Variants in SPTBN5 observed in about 807,000 individuals in gnomAD.
SPTBN5 encodes spectrin beta, non-erythrocytic 5, also known as spectrin beta chain, non-erythrocytic 5.
In SPTBN5, 513 loss-of-function variants were observed where a neutral mutation model predicts 477.6. The ratio of observed to expected loss-of-function variants is 1.07; its 90% CI spans 1.00 to 1.16. The LOEUF (loss-of-function observed/expected upper bound fraction) is 1.16, where lower values mean the gene tolerates loss of function less well. SPTBN5 is among the 50% of genes most tolerant of loss of function. The probability of loss-of-function intolerance (pLI) is 0.00; values close to 1 mark genes in which losing one functional copy is unlikely to be tolerated. For synonymous variants in SPTBN5, 2,169 were observed against 2,011.7 expected, an observed-to-expected ratio of 1.08 and a Z score of -2.09; for missense variants, 5,062 against 4,731.8, an observed-to-expected ratio of 1.07 and a Z score of -2.05.
chr15:41,893,541 C>T lies in SPTBN5; in HGVS notation c.-44G>A. On this transcript the variant is annotated 5_prime_UTR_variant, in exon 2 of 68. It removes the in-frame stop codon of an upstream open reading frame in the 5' UTR. Transcript: ENST00000320955. Reference sequence around the variant, plus strand: ...GGATGAGGAGCTGCTGGATGGCTCCCTAAACCTGGAGGGCATGCAGATTAG... The same window carrying T: ...GGATGAGGAGCTGCTGGATGGCTCCTTAAACCTGGAGGGCATGCAGATTAG... The T allele has an allele frequency of 6.5e-7, 1 of 1,536,330 alleles. No homozygotes were observed. The highest frequency in any genetic ancestry group is 1.2e-5 in the South Asian group (1 of 84,502).
At chr15:41,891,779 C>T (rs1436295411) in intron 3 of SPTBN5, among the ~76,000 whole-genome samples, 1 of 152,148 alleles carries the variant, frequency 6.6e-6, no homozygotes, top group Admixed American at 6.5e-5. Flanking sequence ...CGAATGCATC[C>T]CTCATTCTGC....
chr15:41,884,949 T>G (rs1040592523), intron 7 of SPTBN5, among the ~76,000 whole-genome samples: 2 of 152,228 alleles, frequency 1.3e-5, no homozygotes, highest in Non-Finnish European at 2.9e-5. Context: ...TGGTTTTTAC[T>G]TAGAAGTCAA....
Position 41,855,336 on chromosome 15 carries a change from T to C in SPTBN5, c.9311A>G (p.Gln3104Arg). The C allele has an allele frequency of 1.2e-6, 2 of 1,608,008 alleles. No homozygotes were observed. The highest frequency in any genetic ancestry group is 1.7e-6 in the Non-Finnish European group (2 of 1,179,736). ...AEARGHGLQE[Q>R]LQLHQLERET... ...TCGCTCCAGCTGGTGTAGCTGCAGC[T>C]GCTCCTGCAGGCCGTGCCCCCTGGC... Residue 3104 changes from glutamine (Q) to arginine (R), a missense_variant, in exon 55 of 68, where the codon CAG (glutamine) becomes CGG (arginine). Coordinates refer to ENST00000320955, the MANE Select transcript of SPTBN5 (RefSeq NM_016642.4).
At chr15:41,872,481 G>A in intron 26 of SPTBN5, 22 bp from the exon 27 acceptor site, 1 of 1,542,004 alleles carries the variant, frequency 6.5e-7, no homozygotes, top group Non-Finnish European at 8.8e-7. Context: ...GAGGACCCAT[G>A]CCAGGCTCAG....
At chr15:41,880,394 C>T in intron 13 of SPTBN5, 82 bp from the exon 14 acceptor site, 1 of 1,400,888 alleles carries the variant, frequency 7.1e-7, no homozygotes, top group Non-Finnish European at 9.5e-7. Flanking sequence ...GGTGCTCCTC[C>T]CCATCCCAGC....
rs781684010 is a variant in SPTBN5 at position 41,879,699 on chromosome 15, C to T, written c.2942+35G>A. 2 of 1,611,520 alleles carry T rather than the reference C, an allele frequency of 1.2e-6. 1 individual carries two copies. The highest frequency in any genetic ancestry group is 2.2e-5 in the South Asian group (2 of 90,910). On this transcript the variant is annotated intron_variant, in intron 15 of 67. Coordinates refer to ENST00000320955, the MANE Select transcript of SPTBN5 (RefSeq NM_016642.4). Reference sequence around the variant, plus strand: ...GGCCCAGGCTGGGCACTGTGTCTGCCTGCCTCACCACCTGCACTCCTGCCT... The same window carrying T: ...GGCCCAGGCTGGGCACTGTGTCTGCTTGCCTCACCACCTGCACTCCTGCCT...
rs149577620 is a variant in SPTBN5, at chr15:41,882,691, T to A, written c.1940A>T (p.Asn647Ile). The change falls in exon 10 of 68, where the codon AAC becomes ATC. Residue 647 changes from asparagine (N) to isoleucine (I), a missense_variant. Asn to Ile is a moderately radical substitution (Grantham distance 149). Transcript: ENST00000320955. ...CAGCCAGGCTTCCTCCTCCTCACAG[T>A]TGCGCAGGAACTCTGCCCGCTGCAG... is the stretch of plus-strand genomic sequence containing the variant. ...QTLQRAEFLRNCEEEEAWLKE... is the reference protein window; with the variant it reads ...QTLQRAEFLRICEEEEAWLKE... The A allele has an allele frequency of 5.0e-6, 8 of 1,609,562 alleles. No homozygotes were observed. The East Asian group carries it at 1.8e-4, about 36-fold the overall frequency.
chr15:41,881,201 G>A lies in SPTBN5; in HGVS notation c.2491C>T (p.Leu831=). The part of the protein sequence containing the change: ...NSALSPPGES[L]RNPGPWSEAS... ...TCACTCCAGGGCCCTGGGTTCCTCA[G>A]GCTTTCTCCTGGAGGGCTCAGGGCA... The change falls in exon 13 of 68, where the codon CTG becomes TTG. Residue 831 remains leucine, a synonymous_variant. Transcript: ENST00000320955. 6.2e-7 allele frequency: 1 copy of A among 1,612,202 alleles called. No individual in the cohort carries two copies. Among genetic ancestry groups the A allele is most frequent in the Admixed American group, 1.7e-5 (1 of 59,980 alleles).
chr15:41,861,128 TA>T (rs1161876090), intron 46 of SPTBN5, among the ~76,000 whole-genome samples: 1 of 152,184 alleles, frequency 6.6e-6, no homozygotes, highest in Non-Finnish European at 1.5e-5. Flanking sequence ...AGCCAACCTC[TA>T]GGCATTTGGG....
Position 41,867,142 on chromosome 15 carries a change from A to G in SPTBN5, c.6313-16T>C. The stretch of plus-strand genomic sequence containing the variant: ...GGGCTGCCTCCTGTGGGGCAGGGGC[A>G]CAGCTGCTGCTCTCCCACCCTGGGC... On this transcript the variant is annotated splice_polypyrimidine_tract_variant and intron_variant, in intron 35 of 67. Transcript: ENST00000320955. The G allele has an allele frequency of 2.6e-6, 4 of 1,517,336 alleles. No individual in the cohort carries two copies. Among genetic ancestry groups the G allele is most frequent in the Non-Finnish European group, 2.6e-6 (3 of 1,135,502 alleles). The allele number at this position is 1,517,336 out of a possible 1,614,324, so 94.0% of individuals were successfully genotyped here.
chr15:41,856,438 C>T lies in SPTBN5; in HGVS notation c.8969G>A (p.Arg2990Gln), dbSNP rs773833627. The T allele has an allele frequency of 1.9e-5, 31 of 1,595,074 alleles. No homozygotes were observed. The highest frequency in any genetic ancestry group is 1.6e-4 in the East Asian group (7 of 44,210). ...AMAHLRAEAA[R>Q]RRLLLQQAQE... ...AGCCTGCTGCAGCAGAAGCCGCCTC[C>T]GCGCCGCCTCTGCCCGCAGGTGGGC... Residue 2990 changes from arginine to glutamine, a missense_variant, in exon 53 of 68, where the codon CGG (arginine) becomes CAG (glutamine). Transcript: ENST00000320955.
At chr15:41,854,002 C>T (rs1239776111) in intron 57 of SPTBN5, 48 bp downstream of exon 57, 1 of 1,521,482 alleles carries the variant, frequency 6.6e-7, no homozygotes. Context: ...TCAGCCACCG[C>T]CTTCGGGCAG....
At position 41,863,008 on chromosome 15, in the gene SPTBN5, C is replaced by G. The variant is rs898698348; in HGVS notation, c.7150-105G>C. The G allele has an allele frequency of 3.6e-5, 38 of 1,048,494 alleles. 2 individuals carry two copies. In the South Asian group the frequency reaches 5.1e-4, roughly 14 times the overall value. The allele number at this position is 1,048,494 out of a possible 1,614,324, so 64.9% of individuals were successfully genotyped here. ...TTCTGTGTGCACAGCAAGTCCCCAG[C>G]GTGATTTCCTGGCCCCGACTTTGAG... On this transcript the variant is annotated intron_variant, in intron 41 of 67. Transcript: ENST00000320955.
chr15:41,867,069 G>A lies in SPTBN5; in HGVS notation c.6370C>T (p.Leu2124Phe), dbSNP rs1348352505. The A allele has an allele frequency of 2.6e-6, 4 of 1,548,822 alleles. No homozygotes were observed. The highest frequency in any genetic ancestry group is 1.4e-5 in the African/African-American group (1 of 73,240). Residue 2124 changes from leucine to phenylalanine, a missense_variant, in exon 36 of 68, where the codon CTT becomes TTT. Physicochemically the swap from Leu to Phe is conservative, Grantham distance 22 (BLOSUM62 0). Transcript: ENST00000320955. ...ATCCGGCGCTGCAGCAGGATGGGAAGCCGGTCCCGCACCCGGGGGCGCCGG... is the reference window on the plus strand; with the variant it reads ...ATCCGGCGCTGCAGCAGGATGGGAAACCGGTCCCGCACCCGGGGGCGCCGG... ...TLRRPRVRDR[L>F]PILLQRRMRV...
chr15:41,868,145 C>G lies in SPTBN5; in HGVS notation c.6131G>C (p.Arg2044Thr), dbSNP rs2140938120. The change falls in exon 34 of 68, where the codon AGG (arginine) becomes ACG (threonine). Residue 2044 changes from arginine to threonine, a missense_variant. By Grantham distance (71) the Arg-to-Thr change is moderately conservative. Coordinates refer to ENST00000320955, the MANE Select transcript of SPTBN5 (RefSeq NM_016642.4). Reference protein sequence around the residue: ...VYQTWARKQERLQAEQQEQLF... With the variant: ...VYQTWARKQETLQAEQQEQLF... ...CTGCTCCTGCTGCTCGGCCTGCAGC[C>G]TCTCTTGCTTCCGTGCCCAGGTCTG... 4.4e-6 allele frequency: 7 copies of G among 1,595,126 alleles called. No individual in the cohort carries two copies. The highest frequency in any genetic ancestry group is 6.0e-6 in the Non-Finnish European group (7 of 1,171,758).
intron 66 of SPTBN5, chr15:41,850,269 T>A: frequency 2.6e-6 from 1 of 385,074 alleles, no homozygotes; most frequent in Non-Finnish European, 4.9e-6. Flanking sequence ...GACAGACTCT[T>A]GGGAGGAGAG....
Position 41,863,805 on chromosome 15 carries a change from GGA to G in SPTBN5, c.7046_7047del (p.Phe2349SerfsTer77). 6.2e-7 allele frequency: 1 copy of G among 1,613,874 alleles called. No individual in the cohort carries two copies. On this transcript the variant is annotated frameshift_variant, in exon 41 of 68. Coordinates refer to ENST00000320955, the MANE Select transcript of SPTBN5 (RefSeq NM_016642.4). LOFTEE classifies it high-confidence loss of function. ...RSQLNNRWAS[F>X]HGNLLRYQQQ... Reference sequence around the variant, plus strand: ...TGCTGGTACCGGAGCAAGTTGCCATGGAAACTCGCCCACCTGGCCAAGGGGTG... The same window carrying G: ...TGCTGGTACCGGAGCAAGTTGCCATGAACTCGCCCACCTGGCCAAGGGGTG...
chr15:41,852,186 G>T lies in SPTBN5; in HGVS notation c.10580C>A (p.Pro3527His). ...CAGCCCCATAGGGACACCTGCCTGG[G>T]GGTCCCTCGTCTCAGCCAGCTGTGC... ...LGAQLAETRD[P>H]QDAKGTPTME... is the part of the protein sequence containing the mutation. Residue 3527 changes from proline to histidine, a missense_variant, in exon 62 of 68, where the codon CCC becomes CAC. Physicochemically the swap from Pro to His is moderately conservative, Grantham distance 77. Transcript: ENST00000320955. 1 of 1,591,676 alleles carries T rather than the reference G, an allele frequency of 6.3e-7. No homozygotes were observed. The highest frequency in any genetic ancestry group is 8.6e-7 in the Non-Finnish European group (1 of 1,165,318).
At chr15:41,855,079 C>T (rs549492457) in intron 55 of SPTBN5, 103 bp from the exon 56 acceptor site, 766 of 1,445,330 alleles carry the variant, frequency 5.3e-4, no homozygotes, top group African/African-American at 1.9e-3. Context: ...AATCCCTCAG[C>T]CCAGGTTCTG....
Sources: allele counts gnomAD v4.1 joint callset (sites outside exome capture counted in the v4.1 genomes callset), GRCh38; gene constraint gnomAD v4.1.1; transcripts MANE v1.5; gene names NCBI Gene and HGNC (gene_info 2026-07-23, HGNC 2026-07-21).